The following EDA variants were observed in gnomAD, a reference collection of about 807,000 sequenced individuals.
EDA encodes the protein ectodysplasin-A.
In EDA, 2 loss-of-function variants were observed where a neutral mutation model predicts 23.6. The observed-to-expected ratio is 0.08, with a 90% CI of 0.03 to 0.27. The LOEUF is 0.27. Among genes scored for constraint, EDA ranks in the 10% least tolerant of loss-of-function variants. The pLI is 1.00. For missense variants in EDA, 229 were observed against 324.2 expected, an observed-to-expected ratio of 0.71 and a Z score of 2.26; for synonymous variants, 131 against 132.0, an observed-to-expected ratio of 0.99 and a Z score of 0.05.
At chrX:69,641,616 A>ATTCTGCCTT (rs1388046849) in intron 1 of EDA, among the ~76,000 whole-genome samples, 2 of 112,172 alleles carry the variant, frequency 1.8e-5, no homozygotes, top group Non-Finnish European at 3.8e-5. Flanking sequence ...GCAACATAAT[A>ATTCTGCCTT]AAGGCAGAAA....
chrX:69,858,715 G>A (rs925718780), intron 1 of EDA, among the ~76,000 whole-genome samples: 3 of 112,042 alleles, frequency 2.7e-5, no homozygotes, highest in African/African-American at 9.7e-5. Context: ...ATCTCTGTCA[G>A]GTTTTGGTAT....
chrX:69,703,116 C>T (rs1602312883), intron 1 of EDA, among the ~76,000 whole-genome samples: 1 of 111,267 alleles, frequency 9.0e-6, no homozygotes, highest in Middle Eastern at 4.6e-3. Context: ...CTGCCTTTTT[C>T]GTTCCTGGAA....
At chrX:69,959,194 C>G (rs765158960) in intron 2 of EDA, among the ~76,000 whole-genome samples, 1 of 112,049 alleles carries the variant, frequency 8.9e-6, no homozygotes, top group African/African-American at 3.2e-5. Context: ...TTATATACTT[C>G]CCTCCTGATC....
intron 2 of EDA, among the ~76,000 whole-genome samples, chrX:70,010,854 G>A (rs752659981): frequency 5.4e-5 from 6 of 111,072 alleles, no homozygotes; most frequent in African/African-American, 9.8e-5. Context: ...ATCAGATCTC[G>A]TGAGACTTAT....
chrX:70,021,672 G>C (rs992830956), intron 2 of EDA, among the ~76,000 whole-genome samples: 2 of 112,168 alleles, frequency 1.8e-5, no homozygotes. Context: ...GAGGAGAAGA[G>C]AGAAGGAAAA....
intron 1 of EDA, among the ~76,000 whole-genome samples, chrX:69,843,667 C>T (rs770675611): frequency 9.0e-6 from 1 of 110,680 alleles, no homozygotes; most frequent in African/African-American, 3.3e-5. Flanking sequence ...CTACTTACTT[C>T]ATATAAAGAC....
Position 69,628,951 on chromosome X carries a change from T to C in EDA, c.396+12247T>C, listed in dbSNP as rs762004363. Among the ~76,000 whole-genome samples the C allele has an allele frequency of 2.7e-5, 3 of 111,440 alleles. No individual in the cohort carries two copies. The South Asian group carries it at 1.1e-3, about 43-fold the overall frequency. ...CCTTATTACCTCACTCCTACAGTGG[T>C]TGTGTAGCTGAGAGTTGCTTTGTTC... On this transcript the variant is annotated intron_variant, in intron 1 of 7. Coordinates refer to ENST00000374552, the MANE Select transcript of EDA (RefSeq NM_001399.5).
At chrX:69,949,407 C>A (rs1180550679) in intron 1 of EDA, among the ~76,000 whole-genome samples, 1 of 111,612 alleles carries the variant, frequency 9.0e-6, no homozygotes, top group Non-Finnish European at 1.9e-5. Flanking sequence ...ATTGGGTGCA[C>A]CCCTAGTGAG....
At chrX:69,864,999 A>C (rs192748369) in intron 1 of EDA, among the ~76,000 whole-genome samples, 227 of 111,130 alleles carry the variant, frequency 2.0e-3, no homozygotes, top group Non-Finnish European at 3.9e-3. Context: ...GAAATAAAAA[A>C]CATGATACAG....
intron 1 of EDA, among the ~76,000 whole-genome samples, chrX:69,858,462 AC>A (rs1173325380): frequency 9.1e-6 from 1 of 109,927 alleles, no homozygotes; most frequent in Non-Finnish European, 1.9e-5. Flanking sequence ...TTTATTGAAA[AC>A]CTTTTCTGTA....
intron 1 of EDA, among the ~76,000 whole-genome samples, chrX:69,723,328 G>GT (rs2012663324): frequency 8.9e-6 from 1 of 111,981 alleles, no homozygotes. Flanking sequence ...TGCTACAAAA[G>GT]TTTTTGCTTG....
chrX:69,762,376 C>A (rs2014333974), intron 1 of EDA, among the ~76,000 whole-genome samples: 2 of 112,025 alleles, frequency 1.8e-5, no homozygotes, highest in Non-Finnish European at 3.8e-5. Context: ...AGCTTCCAAC[C>A]AGCCCTTTCT....
intron 1 of EDA, among the ~76,000 whole-genome samples, chrX:69,631,984 A>G (rs1283291188): frequency 8.9e-6 from 1 of 111,922 alleles, no homozygotes; most frequent in African/African-American, 3.2e-5. Context: ...CTATAACTAT[A>G]TATCCTCTTA....
intron 1 of EDA, among the ~76,000 whole-genome samples, chrX:69,766,108 G>A (rs2804392): frequency 0.32 from 35,125 of 110,715 alleles, 4,882 homozygotes; most frequent in Middle Eastern, 0.55. Context: ...GATGTACCAC[G>A]GTTTGCTCAA....
At chrX:69,695,337 A>AAT (rs778680592) in intron 1 of EDA, among the ~76,000 whole-genome samples, 5 of 109,484 alleles carry the variant, frequency 4.6e-5, no homozygotes, top group African/African-American at 1.3e-4. Context: ...AAAGAAGGAA[A>AAT]ATATATATAT....
chrX:69,790,179 A>G (rs1474732152), intron 1 of EDA, among the ~76,000 whole-genome samples: 1 of 111,229 alleles, frequency 9.0e-6, no homozygotes, highest in African/African-American at 3.3e-5. Context: ...CAATGCCATG[A>G]GAAGACCCCT....
chrX:69,836,296 C>T (rs2016773136), intron 1 of EDA, among the ~76,000 whole-genome samples: 1 of 111,833 alleles, frequency 8.9e-6, no homozygotes, highest in Non-Finnish European at 1.9e-5. Context: ...TTTAAGTCTG[C>T]AGAAGTTGTC....
At chrX:70,005,379 C>T (rs1034269745) in intron 2 of EDA, among the ~76,000 whole-genome samples, 1 of 110,620 alleles carries the variant, frequency 9.0e-6, no homozygotes, top group Non-Finnish European at 1.9e-5. Context: ...CCACTTTCTT[C>T]GTCATTCGTT....
intron 1 of EDA, among the ~76,000 whole-genome samples, chrX:69,832,691 T>A (rs1019196996): frequency 2.7e-5 from 3 of 111,920 alleles, no homozygotes; most frequent in Non-Finnish European, 5.6e-5. Context: ...TTCTTCCATT[T>A]GTCTGTGTCC....
Sources: gnomAD v4.1 joint callset for allele counts (sites outside exome capture counted in the v4.1 genomes callset) on GRCh38, gnomAD v4.1.1 for gene constraint, MANE v1.5 for transcripts, NCBI Gene and HGNC (gene_info 2026-07-23, HGNC 2026-07-21) for gene names.